The following PARD3 variants were observed in gnomAD, a reference collection of about 807,000 sequenced individuals.
PARD3 encodes the protein partitioning defective 3 homolog.
A neutral mutation model predicts 155.4 loss-of-function variants in PARD3; 75 were observed. The ratio of observed to expected loss-of-function variants is 0.48; its 90% CI spans 0.40 to 0.58. The LOEUF (loss-of-function observed/expected upper bound fraction) is 0.58. Ranked by LOEUF, PARD3 falls within the 20% of genes least tolerant of loss-of-function variation. The pLI, the probability that PARD3 is intolerant of heterozygous loss-of-function variation, is 0.00. For missense variants in PARD3, 1,642 were observed against 1,721.7 expected (o/e 0.95, Z 0.82); for synonymous variants, 576 against 610.5 (o/e 0.94, Z 0.83).
chr10:34,326,534 T>G (rs1394502510), intron 19 of PARD3, among the ~76,000 whole-genome samples: 1 of 152,232 alleles, frequency 6.6e-6, no homozygotes, highest in Non-Finnish European at 1.5e-5. Context: ...TGTAATCCAC[T>G]GTGTTTTGCT....
At chr10:34,372,282 T>C (rs1473045968) in intron 12 of PARD3, among the ~76,000 whole-genome samples, 2 of 152,162 alleles carry the variant, frequency 1.3e-5, no homozygotes, top group Non-Finnish European at 2.9e-5. Context: ...CTTTTTTGCG[T>C]CTATCTGACC....
At chr10:34,383,006 A>T in intron 8 of PARD3, 84 bp from the exon 9 acceptor site, 1 of 1,442,920 alleles carries the variant, frequency 6.9e-7, no homozygotes, top group Non-Finnish European at 9.5e-7. Context: ...TTTACTAATT[A>T]AGCAATAAGA....
chr10:34,137,481 T>A (rs961494748), intron 22 of PARD3, among the ~76,000 whole-genome samples: 1 of 152,214 alleles, frequency 6.6e-6, no homozygotes, highest in African/African-American at 2.4e-5. Context: ...ATGCTGGAAC[T>A]CCAGGCCCAC....
chr10:34,418,755 C>T (rs924508783), intron 5 of PARD3, among the ~76,000 whole-genome samples: 4 of 151,974 alleles, frequency 2.6e-5, no homozygotes, highest in African/African-American at 9.7e-5. Flanking sequence ...CAACCTTGTC[C>T]CCTGAGAGAG....
chr10:34,639,807 A>G (rs886287947), intron 2 of PARD3, among the ~76,000 whole-genome samples: 1 of 152,122 alleles, frequency 6.6e-6, no homozygotes, highest in Admixed American at 6.5e-5. Context: ...TCAAGGCTGC[A>G]GTGAGCTATA....
intron 5 of PARD3, among the ~76,000 whole-genome samples, chr10:34,439,186 G>T (rs1043800062): frequency 6.6e-6 from 1 of 152,054 alleles, no homozygotes; most frequent in South Asian, 2.1e-4. Context: ...GGAAGGGCAG[G>T]GCTGTAAAAA....
intron 2 of PARD3, among the ~76,000 whole-genome samples, chr10:34,550,137 G>A (rs957402456): frequency 8.5e-5 from 13 of 152,182 alleles, no homozygotes; most frequent in Admixed American, 6.5e-5. Flanking sequence ...ATGAATGTGC[G>A]AGGTAGGGCT....
intron 22 of PARD3, among the ~76,000 whole-genome samples, chr10:34,181,001 T>C (rs1950243596): frequency 1.3e-5 from 2 of 152,198 alleles, no homozygotes; most frequent in Admixed American, 6.5e-5. Context: ...CAGGTACTTA[T>C]GACTAGCTGT....
chr10:34,481,704 T>C (rs2079091741), intron 3 of PARD3, among the ~76,000 whole-genome samples: 1 of 152,194 alleles, frequency 6.6e-6, no homozygotes, highest in African/African-American at 2.4e-5. Context: ...ACATATTTGA[T>C]TAGCATCTAA....
intron 4 of PARD3, among the ~76,000 whole-genome samples, chr10:34,463,903 A>G (rs899992414): frequency 3.3e-5 from 5 of 152,188 alleles, no homozygotes; most frequent in African/African-American, 1.2e-4. Context: ...CCAGCCTAGA[A>G]GAACAGGATA....
intron 12 of PARD3, among the ~76,000 whole-genome samples, chr10:34,368,541 G>A (rs1052737148): frequency 8.6e-5 from 13 of 151,976 alleles, no homozygotes; most frequent in African/African-American, 2.4e-4. Flanking sequence ...GCATGGTGGC[G>A]GGCACCTGTA....
At chr10:34,312,254 AC>A in intron 20 of PARD3, 1 of 1,595,342 alleles carries the variant, frequency 6.3e-7, no homozygotes, top group Non-Finnish European at 8.6e-7. Context: ...GTCAACAGCC[AC>A]TAAGAATTCA....
chr10:34,304,567 G>A (rs1023723248), intron 20 of PARD3, among the ~76,000 whole-genome samples: 10 of 152,172 alleles, frequency 6.6e-5, no homozygotes, highest in African/African-American at 1.9e-4. Context: ...AAACCTACCC[G>A]GAAGGGTAAG....
chr10:34,779,369 G>T (rs1839980090), intron 1 of PARD3, among the ~76,000 whole-genome samples: 1 of 152,026 alleles, frequency 6.6e-6, no homozygotes, highest in South Asian at 2.1e-4. Context: ...CAGCACTTTG[G>T]GAGGCCGAGG....
intron 4 of PARD3, among the ~76,000 whole-genome samples, chr10:34,458,129 A>G (rs1482991266): frequency 6.6e-6 from 1 of 152,224 alleles, no homozygotes; most frequent in Non-Finnish European, 1.5e-5. Flanking sequence ...TGTTACGAAT[A>G]ATCATACGTA....
chr10:34,531,020 G>T (rs904029101), intron 2 of PARD3, among the ~76,000 whole-genome samples: 1 of 152,196 alleles, frequency 6.6e-6, no homozygotes, highest in Non-Finnish European at 1.5e-5. Flanking sequence ...TGTTCCCAGT[G>T]TCCAGGCCTT....
At chr10:34,585,779 T>C (rs566701150) in intron 2 of PARD3, among the ~76,000 whole-genome samples, 3 of 152,292 alleles carry the variant, frequency 2.0e-5, no homozygotes, top group African/African-American at 4.8e-5. Context: ...CTGAAAAGTA[T>C]GTAAAATGAG....
At chr10:34,787,404 T>C (rs1055313813) in intron 1 of PARD3, among the ~76,000 whole-genome samples, 1 of 152,058 alleles carries the variant, frequency 6.6e-6, no homozygotes, top group Non-Finnish European at 1.5e-5. Context: ...AATTCCAAAA[T>C]GGCAGAGTCT....
chr10:34,334,736 CAAAA>C (rs5784410), intron 18 of PARD3, among the ~76,000 whole-genome samples: 2 of 128,274 alleles, frequency 1.6e-5, no homozygotes, highest in East Asian at 2.4e-4. Context: ...GCACAAAGTG[CAAAA>C]AAAAAAAAAA....
Sources: allele counts gnomAD v4.1 joint callset (sites outside exome capture counted in the v4.1 genomes callset), GRCh38; gene constraint gnomAD v4.1.1; transcripts MANE v1.5; gene names NCBI Gene and HGNC (gene_info 2026-07-23, HGNC 2026-07-21).